SPTLC3: variants seen among roughly 807,000 people sequenced by gnomAD.
SPTLC3 encodes the protein serine palmitoyltransferase long chain base subunit 3.
In SPTLC3, 36 loss-of-function variants were observed where a neutral mutation model predicts 59.3. That is an observed-to-expected ratio of 0.61 (90% CI 0.47 to 0.80). The LOEUF is 0.80. Among genes scored for constraint, SPTLC3 ranks in the 30% least tolerant of loss-of-function variants. The probability of loss-of-function intolerance (pLI) is 0.00; values close to 1 mark genes in which losing one functional copy is unlikely to be tolerated. For missense variants in SPTLC3, 625 were observed against 685.1 expected (o/e 0.91, Z 0.98); for synonymous variants, 257 against 240.8 (o/e 1.07, Z -0.62).
At chr20:13,093,240 C>T (rs992970986) in intron 5 of SPTLC3, among the ~76,000 whole-genome samples, 2 of 152,236 alleles carry the variant, frequency 1.3e-5, no homozygotes, top group African/African-American at 4.8e-5. Context: ...AACTTCTCTA[C>T]TGAAAACTAT....
intron 4 of SPTLC3, among the ~76,000 whole-genome samples, chr20:13,078,155 A>T (rs1437774170): frequency 6.8e-6 from 1 of 147,938 alleles, no homozygotes; most frequent in Non-Finnish European, 1.5e-5. Context: ...TTTTGTAAGT[A>T]ACATGTATTT....
intron 6 of SPTLC3, among the ~76,000 whole-genome samples, chr20:13,105,561 C>T (rs1028555131): frequency 1.3e-5 from 2 of 152,136 alleles, no homozygotes; most frequent in Non-Finnish European, 2.9e-5. Flanking sequence ...CTGGATTAAT[C>T]CATCGTGTTT....
chr20:13,053,444 C>T (rs1987583587), intron 2 of SPTLC3, among the ~76,000 whole-genome samples: 1 of 152,002 alleles, frequency 6.6e-6, no homozygotes, highest in African/African-American at 2.4e-5. Context: ...GAGGAAAAAC[C>T]AGCACAAAAA....
In SPTLC3 at chr20:13,091,008, G is replaced by A. The variant is rs1038856153; in HGVS notation, c.608-75G>A. 3.9e-5 allele frequency: 61 copies of A among 1,582,358 alleles called. 2 individuals are homozygous for A. The highest frequency in any genetic ancestry group is 3.3e-4 in the South Asian group (29 of 87,090). On this transcript the variant is annotated intron_variant, in intron 4 of 11. Coordinates refer to ENST00000399002, the MANE Select transcript of SPTLC3 (RefSeq NM_018327.4). ...GTATAGGTCTTTTGGTGATGTGTACGTACTGGAATTTGAGTTTTCAATCTT... is the reference window on the plus strand; with the variant it reads ...GTATAGGTCTTTTGGTGATGTGTACATACTGGAATTTGAGTTTTCAATCTT...
In SPTLC3 at chr20:13,073,881, G is replaced by T. The variant is rs1270819913; in HGVS notation, c.459-468G>T. On this transcript the variant is annotated intron_variant, in intron 3 of 11. Coordinates refer to ENST00000399002, the MANE Select transcript of SPTLC3 (RefSeq NM_018327.4). ...CCTTTTCTTTAATAAATTCTTTATA[G>T]GACGGTCCTGTTTGTTGGTTCCCAG... 1.1e-5 allele frequency: 6 copies of T among 548,592 alleles called. No homozygotes were observed. In the Admixed American group the frequency reaches 1.3e-4, roughly 12 times the overall value. The allele number at this position is 548,592 out of a possible 1,614,324, so 34.0% of individuals were successfully genotyped here. A position where few individuals can be genotyped will look rare whatever the true frequency, so the allele number is the denominator to read the frequency against.
At chr20:13,013,886 G>A (rs1332171984) in intron 1 of SPTLC3, among the ~76,000 whole-genome samples, 2 of 152,112 alleles carry the variant, frequency 1.3e-5, no homozygotes, top group Non-Finnish European at 2.9e-5. Flanking sequence ...TCTGCTCCAC[G>A]TGGTGTTTGC....
chr20:13,105,332 C>T (rs1014682982), intron 6 of SPTLC3, among the ~76,000 whole-genome samples: 1 of 152,048 alleles, frequency 6.6e-6, no homozygotes, highest in Non-Finnish European at 1.5e-5. Context: ...CCCTGGGGGG[C>T]TGTGAACTCC....
intron 4 of SPTLC3, among the ~76,000 whole-genome samples, chr20:13,078,792 T>C (rs1339667725): frequency 6.6e-6 from 1 of 152,144 alleles, no homozygotes; most frequent in Non-Finnish European, 1.5e-5. Flanking sequence ...GGGGCTGTTC[T>C]TGGGGCTACC....
At chr20:13,147,020 G>A (rs1047367282) in intron 9 of SPTLC3, among the ~76,000 whole-genome samples, 2 of 152,182 alleles carry the variant, frequency 1.3e-5, no homozygotes, top group African/African-American at 4.8e-5. Context: ...CTTGCTTGGG[G>A]ATTAAATAGC....
intron 8 of SPTLC3, among the ~76,000 whole-genome samples, chr20:13,120,120 T>A (rs376422319): frequency 1.9e-3 from 296 of 152,338 alleles, no homozygotes; most frequent in African/African-American, 6.8e-3. Context: ...TAAATTAGGA[T>A]TCGGCAAATA....
At chr20:13,146,963 C>A (rs781279905) in intron 9 of SPTLC3, among the ~76,000 whole-genome samples, 10 of 152,200 alleles carry the variant, frequency 6.6e-5, no homozygotes, top group African/African-American at 2.4e-4. Context: ...GCCCAAAAAG[C>A]CAGTTCCTGG....
intron 2 of SPTLC3, among the ~76,000 whole-genome samples, chr20:13,065,075 T>G (rs1371019798): frequency 6.6e-6 from 1 of 152,094 alleles, no homozygotes; most frequent in African/African-American, 2.4e-5. Flanking sequence ...CTCAGATAGT[T>G]GCATTGGAAT....
chr20:13,134,639 T>G (rs1157602013), intron 9 of SPTLC3, among the ~76,000 whole-genome samples: 1 of 152,146 alleles, frequency 6.6e-6, no homozygotes, highest in Non-Finnish European at 1.5e-5. Context: ...GAGATTCTGG[T>G]GCAGGCTCAA....
At position 13,072,400 on chromosome 20, in the gene SPTLC3, T is replaced by C. The variant is rs755919784; in HGVS notation, c.448T>C (p.Trp150Arg). 3.3e-5 allele frequency: 52 copies of C among 1,593,328 alleles called. No homozygotes were observed. Among genetic ancestry groups the C allele is most frequent in the Non-Finnish European group, 4.2e-5 (49 of 1,172,588 alleles). Residue 150 changes from tryptophan (W) to arginine (R), a missense_variant, in exon 3 of 12, where the codon TGG (tryptophan) becomes CGG (arginine). Physicochemically the swap from Trp to Arg is moderately radical, Grantham distance 101. Transcript: ENST00000399002. Reference sequence around the variant, plus strand: ...GGAGAGGGTATCAGACGACTATAACTGGACGTTTAGGTGAGAGAACTTCTT... The same window carrying C: ...GGAGAGGGTATCAGACGACTATAACCGGACGTTTAGGTGAGAGAACTTCTT... ...LMERVSDDYN[W>R]TFRFTGRVIK... is the part of the protein sequence containing the mutation.
chr20:13,112,851 C>A (rs1262169178), intron 7 of SPTLC3, among the ~76,000 whole-genome samples: 1 of 152,162 alleles, frequency 6.6e-6, no homozygotes, highest in Non-Finnish European at 1.5e-5. Context: ...AAAGGAAAAG[C>A]CTTTATACAG....
At chr20:13,097,065 T>C (rs1374806548) in intron 6 of SPTLC3, among the ~76,000 whole-genome samples, 1 of 152,120 alleles carries the variant, frequency 6.6e-6, no homozygotes, top group South Asian at 2.1e-4. Flanking sequence ...GTAGCTGCTA[T>C]GTTATTACTA....
intron 9 of SPTLC3, among the ~76,000 whole-genome samples, chr20:13,141,916 G>A (rs978979293): frequency 3.3e-5 from 5 of 152,192 alleles, no homozygotes; most frequent in Admixed American, 1.3e-4. Flanking sequence ...AGCAATCAAG[G>A]TGACAGACAT....
In SPTLC3 at chr20:13,029,115, A is replaced by T. The variant is rs141722025; in HGVS notation, c.117+19731A>T. Among the ~76,000 whole-genome samples, 603 of 152,256 alleles carry T rather than the reference A, an allele frequency of 4.0e-3. 4 individuals carry two copies. The highest frequency in any genetic ancestry group is 0.01 in the Middle Eastern group (3 of 292). ...GGCACCTGGAGATATCCCACAGCTG[A>T]AGTACATCTCGGGTTAGTTTGTTAG... On this transcript the variant is annotated intron_variant, in intron 1 of 11. Coordinates refer to ENST00000399002, the MANE Select transcript of SPTLC3 (RefSeq NM_018327.4).
intron 8 of SPTLC3, among the ~76,000 whole-genome samples, chr20:13,121,455 A>G (rs2037864297): frequency 6.6e-6 from 1 of 152,176 alleles, no homozygotes; most frequent in Non-Finnish European, 1.5e-5. Flanking sequence ...GTTTATTCTA[A>G]GAGTCTCCTG....
Sources: allele counts gnomAD v4.1 joint callset (sites outside exome capture counted in the v4.1 genomes callset), GRCh38; gene constraint gnomAD v4.1.1; transcripts MANE v1.5; gene names NCBI Gene and HGNC (gene_info 2026-07-23, HGNC 2026-07-21).